Variants in RANBP2 observed in about 807,000 individuals in gnomAD.
RANBP2 encodes E3 SUMO-protein ligase RanBP2.
Under a neutral mutation model 303.6 loss-of-function variants are expected in RANBP2, and 57 were observed. The ratio of observed to expected loss-of-function variants is 0.19; its 90% CI spans 0.15 to 0.23. The LOEUF (loss-of-function observed/expected upper bound fraction) is 0.23, where lower values mean the gene tolerates loss of function less well. Among genes scored for constraint, RANBP2 ranks in the 10% least tolerant of loss-of-function variants. RANBP2 has a pLI of 1.00. For synonymous variants in RANBP2, 1,167 were observed against 1,301.5 expected, an observed-to-expected ratio of 0.90 and a Z score of 2.23; for missense variants, 3,138 against 3,780.8, an observed-to-expected ratio of 0.83 and a Z score of 4.46.
chr2:109,238,634 T>G, the RANBP2 span, among the ~76,000 whole-genome samples: 2 of 152,224 alleles, frequency 1.3e-5, no homozygotes, highest in Admixed American at 1.3e-4. Flanking sequence ...GTTTCAGAGT[T>G]TCTTAAACCC....
chr2:109,420,103 C>A, the RANBP2 span, among the ~76,000 whole-genome samples: 1 of 152,352 alleles, frequency 6.6e-6, no homozygotes, highest in Middle Eastern at 3.4e-3. Context: ...ATGCCAGCTG[C>A]ATCTCATCCC....
chr2:109,018,475 C>T, the RANBP2 span, among the ~76,000 whole-genome samples: 2 of 152,184 alleles, frequency 1.3e-5, no homozygotes, highest in Non-Finnish European at 2.9e-5. Flanking sequence ...CTTCTGTCCC[C>T]CACCATCCTC....
chr2:108,992,235 C>T, the RANBP2 span, among the ~76,000 whole-genome samples: 3 of 152,344 alleles, frequency 2.0e-5, no homozygotes, highest in Non-Finnish European at 2.9e-5. Context: ...ATGCACGTCA[C>T]GTCTTCTACG....
the RANBP2 span, chr2:109,574,737 A>G: frequency 3.1e-6 from 5 of 1,599,536 alleles, no homozygotes; most frequent in Non-Finnish European, 4.3e-6. Flanking sequence ...CCTCAAACTG[A>G]GCATCTATGT....
chr2:108,763,214 T>A, intron 19 of RANBP2, 23 bp from the exon 20 acceptor site: 1 of 1,611,124 alleles, frequency 6.2e-7, no homozygotes, highest in Non-Finnish European at 8.5e-7. Flanking sequence ...ATCTACAAAA[T>A]GTTTTAACTT....
chr2:109,607,090 C>A, the RANBP2 span, among the ~76,000 whole-genome samples: 1 of 152,180 alleles, frequency 6.6e-6, no homozygotes, highest in African/African-American at 2.4e-5. Flanking sequence ...AATCCATGGC[C>A]ATCGCTTCGT....
the RANBP2 span, among the ~76,000 whole-genome samples, chr2:109,411,932 A>C: frequency 6.6e-6 from 1 of 152,184 alleles, no homozygotes; most frequent in African/African-American, 2.4e-5. Context: ...AAGCCGGCAG[A>C]ATGTCTCCCT....
chr2:109,520,781 A>G, the RANBP2 span, among the ~76,000 whole-genome samples: 1 of 137,864 alleles, frequency 7.3e-6, no homozygotes, highest in African/African-American at 2.5e-5. Flanking sequence ...AACTACAAAA[A>G]TTAGCCGGGC....
chr2:109,074,273 C>T, the RANBP2 span, among the ~76,000 whole-genome samples: 3 of 150,328 alleles, frequency 2.0e-5, 1 homozygote, highest in Non-Finnish European at 4.5e-5. Flanking sequence ...GAGGCTGAAG[C>T]ACAAGAATTG....
chr2:109,170,443 T>G, the RANBP2 span, among the ~76,000 whole-genome samples: 1 of 152,056 alleles, frequency 6.6e-6, no homozygotes, highest in Non-Finnish European at 1.5e-5. Flanking sequence ...CCTCCCGGGT[T>G]CAAGTGATTC....
At chr2:108,737,608 G>C (rs1221242486) in intron 6 of RANBP2, among the ~76,000 whole-genome samples, 1 of 149,256 alleles carries the variant, frequency 6.7e-6, no homozygotes, top group Non-Finnish European at 1.5e-5. Context: ...GCATGCAGTG[G>C]TGCAGTCTCG....
the RANBP2 span, among the ~76,000 whole-genome samples, chr2:109,093,239 G>A: frequency 6.6e-6 from 1 of 152,046 alleles, no homozygotes. Context: ...TTTTCACAAT[G>A]GTGGCCCAGG....
the RANBP2 span, among the ~76,000 whole-genome samples, chr2:109,031,563 T>C: frequency 1.3e-5 from 2 of 152,180 alleles, no homozygotes; most frequent in East Asian, 3.9e-4. Flanking sequence ...CGCGGGTCTC[T>C]AGCGCACGGC....
the RANBP2 span, among the ~76,000 whole-genome samples, chr2:109,163,445 CT>C: frequency 1.4e-4 from 16 of 117,264 alleles, 1 homozygote; most frequent in Admixed American, 1.4e-3. Flanking sequence ...GTCGCCCAGG[CT>C]GGAGTGCAGT....
the RANBP2 span, chr2:108,857,111 G>A: frequency 7.7e-4 from 307 of 399,510 alleles, 1 homozygote; most frequent in African/African-American, 4.4e-3. Flanking sequence ...ATGGAGTCTC[G>A]CTTTGTCGTC....
At chr2:109,527,922 G>A in the RANBP2 span, among the ~76,000 whole-genome samples, 1 of 152,188 alleles carries the variant, frequency 6.6e-6, no homozygotes, top group African/African-American at 2.4e-5. Flanking sequence ...CAGAGCAGGA[G>A]AAGCCAGGCA....
At chr2:108,950,458 G>A in the RANBP2 span, among the ~76,000 whole-genome samples, 5 of 152,136 alleles carry the variant, frequency 3.3e-5, no homozygotes, top group East Asian at 9.7e-4. Flanking sequence ...TTGTATTTCT[G>A]TTTATAAGGG....
At chr2:109,433,869 G>A in the RANBP2 span, among the ~76,000 whole-genome samples, 1 of 152,212 alleles carries the variant, frequency 6.6e-6, no homozygotes, top group Admixed American at 6.5e-5. Context: ...ACTGCAGAGG[G>A]GCTTCAGGAA....
the RANBP2 span, among the ~76,000 whole-genome samples, chr2:109,454,357 G>C: frequency 6.6e-6 from 1 of 152,192 alleles, no homozygotes; most frequent in Non-Finnish European, 1.5e-5. Context: ...CTTCACTCCT[G>C]AAGGGTCTGG....
Sources: allele counts gnomAD v4.1 joint callset (sites outside exome capture counted in the v4.1 genomes callset), GRCh38; gene constraint gnomAD v4.1.1; transcripts MANE v1.5; gene names NCBI Gene and HGNC (gene_info 2026-07-23, HGNC 2026-07-21).